Variants in NR2C1 observed in about 807,000 individuals in gnomAD.
The protein encoded by NR2C1 is TR2 nuclear hormone receptor.
NR2C1 carries 33 observed loss-of-function variants against 74.8 expected under a neutral mutation model. That is an observed-to-expected ratio of 0.44 (90% CI 0.33 to 0.59). The LOEUF is 0.59. Ranked by LOEUF, NR2C1 falls within the 20% of genes least tolerant of loss-of-function variation. NR2C1 has a pLI of 0.02. For missense variants in NR2C1, 568 were observed against 715.6 expected (o/e 0.79, Z 2.35); for synonymous variants, 225 against 240.6 (o/e 0.94, Z 0.60).
At chr12:95,036,761 T>C (rs1279697080) in intron 10 of NR2C1, among the ~76,000 whole-genome samples, 13 of 152,330 alleles carry the variant, frequency 8.5e-5, no homozygotes, top group South Asian at 2.1e-4. Flanking sequence ...TCCGCCTGCT[T>C]TGGCCTCCCA....
intron 12 of NR2C1, among the ~76,000 whole-genome samples, chr12:95,025,730 T>TGGC (rs1869283879): frequency 6.7e-6 from 1 of 148,388 alleles, no homozygotes. Flanking sequence ...ACCTACTATA[T>TGGC]ACCAAGCACT....
At position 95,062,714 on chromosome 12, in the gene NR2C1, G is replaced by A; in HGVS notation, c.79C>T (p.Gln27Ter). 1 of 1,613,708 alleles carries A rather than the reference G, an allele frequency of 6.2e-7. No homozygotes were observed. Among genetic ancestry groups the A allele is most frequent in the South Asian group, 1.1e-5 (1 of 91,058 alleles). The change falls in exon 3 of 14, where the codon CAG becomes TAG. Residue 27 changes from glutamine to a stop codon, truncating the protein, a stop_gained. Transcript: ENST00000333003. LOFTEE classifies it high-confidence loss of function. ...AGTGCTGTCACAATCTGGATTTTCT[G>A]CCCAGTTTGCTGCTCTGTAACAATC... ...GEIVTEQQTG[Q>*]KIQIVTALDH...
chr12:95,065,936 C>T (rs1386467603), intron 2 of NR2C1, among the ~76,000 whole-genome samples: 4 of 146,602 alleles, frequency 2.7e-5, no homozygotes, highest in Non-Finnish European at 6.0e-5. Context: ...GACAACAGAG[C>T]GAGACTTTGT....
intron 3 of NR2C1, 73 bp downstream of exon 3, chr12:95,062,435 T>C (rs1874917730): frequency 1.0e-6 from 1 of 986,994 alleles, no homozygotes; most frequent in Non-Finnish European, 1.5e-6. Flanking sequence ...TCTAAAGTCT[T>C]CATGGCAGGG....
chr12:95,038,400 G>A (rs1270493296), intron 10 of NR2C1, among the ~76,000 whole-genome samples: 1 of 152,140 alleles, frequency 6.6e-6, no homozygotes. Context: ...ATATCACCAC[G>A]TTACTTTTTA....
At chr12:95,032,986 T>C (rs1219033171) in intron 10 of NR2C1, among the ~76,000 whole-genome samples, 1 of 151,702 alleles carries the variant, frequency 6.6e-6, no homozygotes, top group Non-Finnish European at 1.5e-5. Flanking sequence ...GAGAGAGAAT[T>C]AACTGGGTGC....
chr12:95,025,325 GAGAC>G, intron 12 of NR2C1, 70 bp from the exon 13 acceptor site: 1 of 780,026 alleles, frequency 1.3e-6, no homozygotes, highest in Non-Finnish European at 2.1e-6. Flanking sequence ...GATATGAAAA[GAGAC>G]AGAAAGAATA....
intron 2 of NR2C1, among the ~76,000 whole-genome samples, chr12:95,064,348 A>T (rs1034591416): frequency 7.1e-6 from 1 of 140,468 alleles, no homozygotes. Flanking sequence ...AAAAAAAAAA[A>T]GTTCAGAAGT....
intron 7 of NR2C1, among the ~76,000 whole-genome samples, chr12:95,054,078 A>G (rs1873474622): frequency 6.6e-6 from 1 of 152,220 alleles, no homozygotes; most frequent in East Asian, 1.9e-4. Context: ...GTGAATCAGT[A>G]GAATAAAATA....
chr12:95,031,279 T>C (rs1481099606), intron 11 of NR2C1, 70 bp downstream of exon 11: 3 of 1,283,876 alleles, frequency 2.3e-6, no homozygotes, highest in Non-Finnish European at 3.1e-6. Flanking sequence ...TATCTAACTT[T>C]AGTCATAACA....
Position 95,049,088 on chromosome 12 carries a change from C to T in NR2C1, c.1111G>A (p.Asp371Asn), listed in dbSNP as rs1224042936. 4 of 1,613,660 alleles carry T rather than the reference C, an allele frequency of 2.5e-6. No homozygotes were observed. Among genetic ancestry groups the T allele is most frequent in the East Asian group, 2.2e-5 (1 of 44,898 alleles). ...AATACCCTGAAAGCTACATGTGAAT[C>T]GCTGAGAAGTGGCCCCTCTTTTTCG... The part of the protein sequence containing the change: ...YTEKEGPLLS[D>N]SHVAFRLTMP... Residue 371 changes from aspartate to asparagine, a missense_variant, in exon 9 of 14, where the codon GAT (aspartate) becomes AAT (asparagine). Coordinates refer to ENST00000333003, the MANE Select transcript of NR2C1 (RefSeq NM_003297.4).
intron 11 of NR2C1, 90 bp downstream of exon 11, chr12:95,031,259 A>T (rs1463550350): frequency 5.3e-6 from 4 of 756,890 alleles, no homozygotes; most frequent in Non-Finnish European, 7.6e-6. Context: ...CTAATATAAT[A>T]ATTATTAGAT....
chr12:95,057,230 G>A (rs372004749), intron 7 of NR2C1, among the ~76,000 whole-genome samples: 3 of 148,254 alleles, frequency 2.0e-5, no homozygotes, highest in South Asian at 2.1e-4. Flanking sequence ...TCAGCCTCCC[G>A]AGTAGCTGGG....
At chr12:95,072,070 A>T (rs1424220150) in intron 1 of NR2C1, among the ~76,000 whole-genome samples, 3 of 151,376 alleles carry the variant, frequency 2.0e-5, no homozygotes, top group Non-Finnish European at 2.9e-5. Flanking sequence ...TAATGATAGA[A>T]ATACACATCG....
At chr12:95,038,302 G>A (rs911887782) in intron 10 of NR2C1, among the ~76,000 whole-genome samples, 4 of 152,150 alleles carry the variant, frequency 2.6e-5, no homozygotes, top group Non-Finnish European at 2.9e-5. Flanking sequence ...ATCAATGGTG[G>A]TGTAAATAAT....
rs569760829 is a variant in NR2C1, at chr12:95,046,437, A to C, written c.1131+2631T>G. ...CCCATCTCTACACAAAAATTTTTTA[A>C]ATTAGCTGGGTGTGGTGGCACATGC... is the stretch of plus-strand genomic sequence containing the variant. On this transcript the variant is annotated intron_variant, in intron 9 of 13. Transcript: ENST00000333003. Among the ~76,000 whole-genome samples, 405 of 152,232 alleles carry C rather than the reference A, an allele frequency of 2.7e-3. 4 individuals are homozygous for C. In the South Asian group the frequency reaches 0.028, roughly 11 times the overall value.
intron 2 of NR2C1, among the ~76,000 whole-genome samples, chr12:95,066,329 C>G (rs1195504440): frequency 2.0e-5 from 3 of 152,082 alleles, no homozygotes; most frequent in African/African-American, 7.2e-5. Flanking sequence ...TGACAAAACC[C>G]TGTTGCTACA....
rs945912140 is a variant in NR2C1 at position 95,051,897 on chromosome 12, G to A, written c.830C>T (p.Thr277Ile). ...AGTTTTTCCAAGATTCGCTAATGAT[G>A]TAACCACATTGGCCAATGTACTTAA... is the stretch of plus-strand genomic sequence containing the variant. ...GDLSTLANVVTSLANLGKTKD... is the reference protein window; with the variant it reads ...GDLSTLANVVISLANLGKTKD... Residue 277 changes from threonine (T) to isoleucine (I), a missense_variant, in exon 8 of 14, where the codon ACA becomes ATA. Physicochemically the swap from Thr to Ile is moderately conservative, Grantham distance 89. Around this residue, in one of 6 missense-constraint regions of NR2C1, gnomAD observed 239 missense variants for 232.3 expected, o/e 1.03. Coordinates refer to ENST00000333003, the MANE Select transcript of NR2C1 (RefSeq NM_003297.4). 6.2e-7 allele frequency: 1 copy of A among 1,609,744 alleles called. No homozygotes were observed. Among genetic ancestry groups the A allele is most frequent in the Admixed American group, 1.7e-5 (1 of 58,392 alleles).
At chr12:95,040,375 G>C in intron 10 of NR2C1, 101 bp downstream of exon 10, 1 of 1,166,130 alleles carries the variant, frequency 8.6e-7, no homozygotes, top group South Asian at 1.7e-5. Context: ...ATGTTATACT[G>C]TTTTTTCCTT....
Sources: allele counts gnomAD v4.1 joint callset (sites outside exome capture counted in the v4.1 genomes callset), GRCh38; gene constraint gnomAD v4.1.1; regional missense constraint gnomAD v4.1.1; transcripts MANE v1.5; gene names NCBI Gene and HGNC (gene_info 2026-07-23, HGNC 2026-07-21).